SOAT1: variants seen among roughly 807,000 people sequenced by gnomAD.
The protein encoded by SOAT1 is sterol O-acyltransferase 1, also known as acyl-coenzyme A:cholesterol acyltransferase 1.
A neutral mutation model predicts 69.5 loss-of-function variants in SOAT1; 55 were observed. The observed-to-expected ratio is 0.79, with a 90% CI of 0.64 to 0.99. SOAT1 has a LOEUF of 0.99. Ranked by LOEUF, SOAT1 falls within the 50% of genes least tolerant of loss-of-function variation. The probability of loss-of-function intolerance (pLI) is 0.00; values close to 1 mark genes in which losing one functional copy is unlikely to be tolerated. For missense variants in SOAT1, 580 were observed against 669.3 expected, an observed-to-expected ratio of 0.87 and a Z score of 1.47; for synonymous variants, 231 against 224.7, an observed-to-expected ratio of 1.03 and a Z score of -0.25.
chr1:179,342,233 C>T (rs769094093), intron 8 of SOAT1, 41 bp downstream of exon 8: 5 of 1,349,286 alleles, frequency 3.7e-6, no homozygotes, highest in East Asian at 5.0e-5. Flanking sequence ...CCTCCCCTCC[C>T]CTCCTCTCCC....
chr1:179,302,907 T>C (rs1448736880), intron 2 of SOAT1, 105 bp downstream of exon 2: 1 of 590,278 alleles, frequency 1.7e-6, no homozygotes, highest in African/African-American at 1.9e-5. Flanking sequence ...TGTAAATGGG[T>C]ATTGATAGAG....
In SOAT1 at chr1:179,342,094, T is replaced by G. The variant is rs139603402; in HGVS notation, c.781-20T>G. On this transcript the variant is annotated intron_variant, in intron 7 of 15. Coordinates refer to ENST00000367619, the MANE Select transcript of SOAT1 (RefSeq NM_003101.6). ...GGAGACTTTCTTTGAAGAGACATCTTTTTCCTCCTGCTTTTGTAGATTCGT... is the reference window on the plus strand; with the variant it reads ...GGAGACTTTCTTTGAAGAGACATCTGTTTCCTCCTGCTTTTGTAGATTCGT... 2.2e-4 allele frequency: 356 copies of G among 1,613,268 alleles called. No individual in the cohort carries two copies. The African/African-American group carries it at 2.6e-3, about 12-fold the overall frequency.
At chr1:179,332,073 C>CT (rs1337116002) in intron 3 of SOAT1, among the ~76,000 whole-genome samples, 18 of 152,068 alleles carry the variant, frequency 1.2e-4, no homozygotes, top group Non-Finnish European at 5.9e-5. Flanking sequence ...TTTCAGCATA[C>CT]TTTAAGATTG....
chr1:179,316,996 TG>T (rs1470675113), intron 2 of SOAT1, among the ~76,000 whole-genome samples: 2 of 152,132 alleles, frequency 1.3e-5, no homozygotes, highest in Admixed American at 1.3e-4. Context: ...ATATATTAAG[TG>T]AAAAAAACAG....
chr1:179,355,735 C>A lies in SOAT1; in HGVS notation c.*2094C>A, dbSNP rs12121758. The A allele has an allele frequency of 0.21, 31,672 of 152,082 alleles. 3,929 individuals carry two copies. Among genetic ancestry groups the A allele is most frequent in the East Asian group, 0.41 (2,106 of 5,152 alleles). 9.4% of individuals were successfully genotyped at this position (152,082 alleles called of 1,614,324 possible). A position where few individuals can be genotyped will look rare whatever the true frequency, so the allele number is the denominator to read the frequency against. ...TTTTTAGTAGAGATGGGGTTTCACC[C>A]TGTTGGTCAGGCTGGTCTCAAACTC... On this transcript the variant is annotated 3_prime_UTR_variant, in exon 16 of 16. Transcript: ENST00000367619.
rs905516152 is a variant in SOAT1 at position 179,353,451 on chromosome 1, C to T, written c.1597-134C>T. 11 of 770,784 alleles carry T rather than the reference C, an allele frequency of 1.4e-5. No homozygotes were observed. The African/African-American group carries it at 1.9e-4, about 14-fold the overall frequency. 47.7% of individuals were successfully genotyped at this position (770,784 alleles called of 1,614,324 possible). A position where few individuals can be genotyped will look rare whatever the true frequency, so the allele number is the denominator to read the frequency against. ...CTTTTGAATTAGTGAGCTGCTTATACCTTGAGGGTTGTTGAAATGGTGGGA... is the reference window on the plus strand; with the variant it reads ...CTTTTGAATTAGTGAGCTGCTTATATCTTGAGGGTTGTTGAAATGGTGGGA... On this transcript the variant is annotated intron_variant, in intron 15 of 15. Coordinates refer to ENST00000367619, the MANE Select transcript of SOAT1 (RefSeq NM_003101.6).
At chr1:179,312,196 G>A (rs1665240567) in intron 2 of SOAT1, among the ~76,000 whole-genome samples, 1 of 152,174 alleles carries the variant, frequency 6.6e-6, no homozygotes, top group Non-Finnish European at 1.5e-5. Context: ...CCTAAGGCTT[G>A]ACTGCAGCAG....
intron 1 of SOAT1, among the ~76,000 whole-genome samples, chr1:179,296,815 C>A (rs866562594): frequency 6.6e-6 from 1 of 152,170 alleles, no homozygotes; most frequent in African/African-American, 2.4e-5. Flanking sequence ...AATGGGAACA[C>A]GGAGGCAGGC....
At chr1:179,338,206 C>A (rs77801412) in intron 5 of SOAT1, among the ~76,000 whole-genome samples, 2 of 152,044 alleles carry the variant, frequency 1.3e-5, no homozygotes, top group East Asian at 1.9e-4. Context: ...TTGGGCAACA[C>A]GGCAAGTCTC....
At chr1:179,297,728 C>T (rs116455497) in intron 1 of SOAT1, among the ~76,000 whole-genome samples, 2,019 of 113,860 alleles carry the variant, frequency 0.018, 25 homozygotes, top group Non-Finnish European at 0.025. Flanking sequence ...GGCATGACTC[C>T]GTCTCAAAAA....
At chr1:179,347,552 A>G (rs13306729) in intron 11 of SOAT1, 48 bp from the exon 12 acceptor site, 103,005 of 1,026,388 alleles carry the variant, frequency 0.1, 6,099 homozygotes, top group African/African-American at 0.14. Context: ...GTTGCTTGGT[A>G]TGTGAGCTAT....
Position 179,339,335 on chromosome 1 carries a change from A to G in SOAT1, c.390-103A>G, listed in dbSNP as rs564455922. The G allele has an allele frequency of 4.4e-5, 28 of 631,212 alleles. No individual in the cohort carries two copies. The Admixed American group carries it at 5.2e-4, about 12-fold the overall frequency. The allele number at this position is 631,212 out of a possible 1,614,324, so 39.1% of individuals were successfully genotyped here. A position where few individuals can be genotyped will look rare whatever the true frequency, so the allele number is the denominator to read the frequency against. On this transcript the variant is annotated intron_variant, in intron 5 of 15. Coordinates refer to ENST00000367619, the MANE Select transcript of SOAT1 (RefSeq NM_003101.6). ...GATGTTTTTGGAGAGTGGATTAAGC[A>G]TCTTCTCAACTGCTTTAAGTTAACT... is the stretch of plus-strand genomic sequence containing the variant.
In SOAT1 at chr1:179,341,330, C is replaced by T; in HGVS notation, c.780+20C>T. On this transcript the variant is annotated intron_variant, in intron 7 of 15. Transcript: ENST00000367619. ...GAGCAGGTAAGGTTTTAAGTGTTAC[C>T]CAAGGCGATGCTGTCCTCGGCTAAA... The T allele has an allele frequency of 1.2e-6, 2 of 1,607,714 alleles. No homozygotes were observed. Among genetic ancestry groups the T allele is most frequent in the Non-Finnish European group, 1.7e-6 (2 of 1,175,684 alleles).
intron 2 of SOAT1, among the ~76,000 whole-genome samples, chr1:179,307,898 T>C (rs1011945849): frequency 6.6e-6 from 1 of 151,986 alleles, no homozygotes; most frequent in East Asian, 1.9e-4. Context: ...TTCAAGCGAT[T>C]CTCCTCCCTC....
intron 2 of SOAT1, among the ~76,000 whole-genome samples, chr1:179,306,660 G>A (rs139669740): frequency 0.017 from 2,600 of 151,872 alleles, 27 homozygotes; most frequent in Non-Finnish European, 0.018. Flanking sequence ...GTGAAACCCC[G>A]TCTCTACTAA....
intron 8 of SOAT1, 56 bp downstream of exon 8, chr1:179,342,248 C>G (rs1261869937): frequency 5.2e-6 from 6 of 1,164,992 alleles, no homozygotes; most frequent in Non-Finnish European, 6.1e-6. Flanking sequence ...TCTCCCCCCA[C>G]CCCATTCCCT....
At chr1:179,342,457 A>G (rs1232156342) in intron 8 of SOAT1, among the ~76,000 whole-genome samples, 1 of 151,876 alleles carries the variant, frequency 6.6e-6, no homozygotes, top group African/African-American at 2.4e-5. Context: ...GTTTTATTTC[A>G]AATATATATT....
intron 3 of SOAT1, among the ~76,000 whole-genome samples, chr1:179,330,181 G>T (rs2124975541): frequency 6.6e-6 from 1 of 152,286 alleles, no homozygotes; most frequent in Non-Finnish European, 1.5e-5. Flanking sequence ...AAGTTGGCAG[G>T]CAGGGGACCT....
intron 13 of SOAT1, among the ~76,000 whole-genome samples, chr1:179,350,032 T>A (rs1421301141): frequency 6.6e-6 from 1 of 152,230 alleles, no homozygotes; most frequent in Non-Finnish European, 1.5e-5. Context: ...ATAGGAAAAC[T>A]ATGTTTTGTC....
Sources: gnomAD v4.1 joint callset for allele counts (sites outside exome capture counted in the v4.1 genomes callset) on GRCh38, gnomAD v4.1.1 for gene constraint, MANE v1.5 for transcripts, NCBI Gene and HGNC (gene_info 2026-07-23, HGNC 2026-07-21) for gene names.